The following GPC5 variants were observed in gnomAD, a reference collection of about 807,000 sequenced individuals.
GPC5 encodes glypican-5.
A neutral mutation model predicts 53.9 loss-of-function variants in GPC5; 47 were observed. The observed-to-expected ratio is 0.87, with a 90% CI of 0.69 to 1.11. The LOEUF (loss-of-function observed/expected upper bound fraction) is 1.11, where lower values mean the gene tolerates loss of function less well. GPC5 is among the 50% of genes most tolerant of loss of function. GPC5 has a pLI of 0.00. For synonymous variants in GPC5, 286 were observed against 263.3 expected (o/e 1.09, Z -0.84); for missense variants, 748 against 713.1 (o/e 1.05, Z -0.56).
chr13:92,402,990 C>T (rs757928872), intron 7 of GPC5, among the ~76,000 whole-genome samples: 7 of 152,088 alleles, frequency 4.6e-5, no homozygotes, highest in Non-Finnish European at 8.8e-5. Flanking sequence ...ATCTTTCGAA[C>T]GATTACCTGA....
chr13:91,433,225 G>A (rs1266564076), intron 1 of GPC5, among the ~76,000 whole-genome samples: 1 of 145,524 alleles, frequency 6.9e-6, no homozygotes, highest in Non-Finnish European at 1.5e-5. Context: ...TATACTTTAA[G>A]TTTTAGGGTA....
chr13:91,616,402 A>T lies in GPC5; in HGVS notation c.326-76785A>T, dbSNP rs867759168. On this transcript the variant is annotated intron_variant, in intron 2 of 7. Transcript: ENST00000377067. Reference sequence around the variant, plus strand: ...AGGCCTCCCAGTGTTTCCTATAAAGATGTCTATGAACTATGGGTTGATGAA... The same window carrying T: ...AGGCCTCCCAGTGTTTCCTATAAAGTTGTCTATGAACTATGGGTTGATGAA... 2.6e-5 allele frequency among the ~76,000 whole-genome samples: 4 copies of T among 152,102 alleles called. No homozygotes were observed. In the South Asian group the frequency reaches 6.2e-4, roughly 24 times the overall value.
At chr13:92,558,674 T>A (rs1882587150) in intron 7 of GPC5, among the ~76,000 whole-genome samples, 1 of 151,950 alleles carries the variant, frequency 6.6e-6, no homozygotes, top group African/African-American at 2.4e-5. Flanking sequence ...GATTCTTCTG[T>A]ACACTTCCTA....
chr13:92,390,394 T>A (rs1874938824), intron 7 of GPC5, among the ~76,000 whole-genome samples: 1 of 152,072 alleles, frequency 6.6e-6, no homozygotes, highest in Non-Finnish European at 1.5e-5. Flanking sequence ...CACTAAGGGA[T>A]TTTTTTCAAA....
intron 5 of GPC5, among the ~76,000 whole-genome samples, chr13:91,892,108 C>T (rs1594645233): frequency 6.6e-6 from 1 of 151,914 alleles, no homozygotes; most frequent in Admixed American, 6.6e-5. Flanking sequence ...AATGTAGCCA[C>T]AATATAGCTA....
At chr13:92,758,174 C>T (rs1157789831) in intron 7 of GPC5, among the ~76,000 whole-genome samples, 1 of 149,836 alleles carries the variant, frequency 6.7e-6, no homozygotes, top group Non-Finnish European at 1.5e-5. Flanking sequence ...GAGTTCATGT[C>T]CTTTGTAGGG....
In GPC5 at chr13:92,393,657, C is replaced by A. The variant is rs138158084; in HGVS notation, c.1561+248668C>A. On this transcript the variant is annotated intron_variant, in intron 7 of 7. Coordinates refer to ENST00000377067, the MANE Select transcript of GPC5 (RefSeq NM_004466.6). ...GAGTGATACTGTGCATGAAAGAAAA[C>A]AAAAAAAACTTACGAACACAAAGAA... Among the ~76,000 whole-genome samples the A allele has an allele frequency of 8.0e-3, 1,216 of 151,682 alleles. 12 individuals are homozygous for A. Among genetic ancestry groups the A allele is most frequent in the African/African-American group, 0.028 (1,155 of 41,372 alleles).
chr13:92,267,511 C>T (rs904229770), intron 7 of GPC5, among the ~76,000 whole-genome samples: 15 of 152,086 alleles, frequency 9.9e-5, no homozygotes, highest in African/African-American at 3.6e-4. Context: ...GCTGATCTTT[C>T]TCAGAATCCT....
intron 2 of GPC5, among the ~76,000 whole-genome samples, chr13:91,451,631 T>TC (rs1271763509): frequency 3.3e-5 from 5 of 151,418 alleles, no homozygotes; most frequent in Non-Finnish European, 7.4e-5. Context: ...TTTTTTTTTT[T>TC]CCCCGAGGTG....
chr13:91,595,374 C>A (rs1176829958), intron 2 of GPC5, among the ~76,000 whole-genome samples: 2 of 152,144 alleles, frequency 1.3e-5, no homozygotes, highest in Admixed American at 1.3e-4. Flanking sequence ...CCCTTTAATA[C>A]TGTATAAGCT....
intron 7 of GPC5, among the ~76,000 whole-genome samples, chr13:92,517,038 G>A (rs571699304): frequency 4.6e-5 from 7 of 152,158 alleles, no homozygotes; most frequent in Middle Eastern, 3.4e-3. Context: ...TATATCCCGC[G>A]CCTGTCTCGG....
chr13:92,709,191 T>C (rs1458732492), intron 7 of GPC5, among the ~76,000 whole-genome samples: 1 of 151,450 alleles, frequency 6.6e-6, no homozygotes, highest in Non-Finnish European at 1.5e-5. Flanking sequence ...GGATTATAGG[T>C]GTGCGCAACC....
chr13:92,469,561 T>C (rs1017625139), intron 7 of GPC5, among the ~76,000 whole-genome samples: 1 of 152,156 alleles, frequency 6.6e-6, no homozygotes, highest in Admixed American at 6.6e-5. Context: ...CTCTACTTGA[T>C]TCACATTATA....
chr13:92,250,222 A>C (rs903819290), intron 7 of GPC5, among the ~76,000 whole-genome samples: 1 of 152,070 alleles, frequency 6.6e-6, no homozygotes, highest in Non-Finnish European at 1.5e-5. Flanking sequence ...CATGCACCAG[A>C]TGTGTATGGC....
At chr13:91,683,302 T>G (rs2139746984) in intron 2 of GPC5, among the ~76,000 whole-genome samples, 1 of 152,316 alleles carries the variant, frequency 6.6e-6, no homozygotes, top group Non-Finnish European at 1.5e-5. Flanking sequence ...CCAGAGGCAG[T>G]GCAGCCCAGA....
chr13:91,807,710 C>A (rs1275289794), intron 5 of GPC5, among the ~76,000 whole-genome samples: 2 of 152,054 alleles, frequency 1.3e-5, no homozygotes, highest in Admixed American at 6.6e-5. Context: ...GCACTCTTGA[C>A]AAACGAATTG....
At chr13:91,823,354 T>C (rs1246781379) in intron 5 of GPC5, among the ~76,000 whole-genome samples, 1 of 152,144 alleles carries the variant, frequency 6.6e-6, no homozygotes, top group Non-Finnish European at 1.5e-5. Context: ...TACAAAAATA[T>C]TTTTAACAAA....
intron 4 of GPC5, among the ~76,000 whole-genome samples, chr13:91,745,276 T>C (rs1049083044): frequency 3.9e-5 from 6 of 152,198 alleles, no homozygotes; most frequent in East Asian, 1.9e-4. Context: ...CATTAAGTGG[T>C]AATGTGTTGG....
At chr13:91,635,208 A>G (rs1276079625) in intron 2 of GPC5, among the ~76,000 whole-genome samples, 1 of 152,148 alleles carries the variant, frequency 6.6e-6, no homozygotes, top group Non-Finnish European at 1.5e-5. Context: ...ATTTTCCAGA[A>G]AAAGCCCTTT....
Sources: gnomAD v4.1 joint callset for allele counts (sites outside exome capture counted in the v4.1 genomes callset) on GRCh38, gnomAD v4.1.1 for gene constraint, MANE v1.5 for transcripts, NCBI Gene and HGNC (gene_info 2026-07-23, HGNC 2026-07-21) for gene names.